RIN2: variants seen among roughly 807,000 people sequenced by gnomAD.
RIN2 encodes Ras and Rab interactor 2, also known as RAB5 interacting protein 2.
In RIN2, 36 loss-of-function variants were observed where a neutral mutation model predicts 78.0. The ratio of observed to expected loss-of-function variants is 0.46; its 90% CI spans 0.35 to 0.61. RIN2 has a LOEUF of 0.61. Among genes scored for constraint, RIN2 ranks in the 20% least tolerant of loss-of-function variants. RIN2 has a pLI of 0.00. For missense variants in RIN2, 1,087 were observed against 1,159.7 expected (o/e 0.94, Z 0.91); for synonymous variants, 466 against 466.8 (o/e 1.00, Z 0.02).
At chr20:19,768,749 C>T (rs974920271) in intron 1 of RIN2, among the ~76,000 whole-genome samples, 2 of 146,236 alleles carry the variant, frequency 1.4e-5, no homozygotes, top group Non-Finnish European at 3.0e-5. Context: ...GGCTTACTGG[C>T]CCCTCAGAGG....
At chr20:19,994,785 C>G (rs753191806) in intron 11 of RIN2, among the ~76,000 whole-genome samples, 17 of 152,204 alleles carry the variant, frequency 1.1e-4, no homozygotes, top group Non-Finnish European at 1.9e-4. Context: ...CACACACAGT[C>G]ACATGCTGAT....
intron 2 of RIN2, among the ~76,000 whole-genome samples, chr20:19,825,978 T>G (rs1182567490): frequency 1.3e-5 from 2 of 152,224 alleles, no homozygotes; most frequent in African/African-American, 4.8e-5. Flanking sequence ...GGAACTCAGA[T>G]TAGCATTTTG....
At chr20:19,811,926 A>G (rs887831049) in intron 2 of RIN2, among the ~76,000 whole-genome samples, 10 of 152,294 alleles carry the variant, frequency 6.6e-5, no homozygotes, top group African/African-American at 1.9e-4. Flanking sequence ...GTAGTGTTTT[A>G]GTAAATTTAT....
At chr20:19,796,080 A>C (rs1370796781) in intron 1 of RIN2, among the ~76,000 whole-genome samples, 1 of 121,240 alleles carries the variant, frequency 8.2e-6, no homozygotes, top group East Asian at 2.1e-4. Context: ...GGAAGAAAAG[A>C]GCAAAGAAAA....
At chr20:19,943,306 A>G (rs1311769943) in intron 4 of RIN2, among the ~76,000 whole-genome samples, 1 of 151,780 alleles carries the variant, frequency 6.6e-6, no homozygotes. Flanking sequence ...ACTTTTTCTT[A>G]CCTCCCGAAA....
intron 11 of RIN2, among the ~76,000 whole-genome samples, chr20:19,993,170 A>T (rs575027236): frequency 1.3e-5 from 2 of 152,228 alleles, no homozygotes; most frequent in African/African-American, 4.8e-5. Context: ...TTATCTTTTC[A>T]AAGGAGAACA....
chr20:19,873,064 T>TA (rs1184446758), intron 2 of RIN2, among the ~76,000 whole-genome samples: 1 of 152,086 alleles, frequency 6.6e-6, no homozygotes, highest in Non-Finnish European at 1.5e-5. Context: ...AAATAGCACT[T>TA]ACATACAAAT....
intron 3 of RIN2, among the ~76,000 whole-genome samples, chr20:19,897,372 G>C (rs76344786): frequency 1.3e-5 from 2 of 152,226 alleles, no homozygotes; most frequent in Admixed American, 1.3e-4. Context: ...GCCTCCTAAA[G>C]TTCTGGGATT....
At chr20:19,781,288 A>C (rs575139192) in intron 1 of RIN2, among the ~76,000 whole-genome samples, 1 of 152,356 alleles carries the variant, frequency 6.6e-6, no homozygotes, top group East Asian at 1.9e-4. Context: ...CTCAGTGGGC[A>C]GTGACTACAT....
chr20:19,825,474 C>T (rs13036403), intron 2 of RIN2, among the ~76,000 whole-genome samples: 1 of 152,176 alleles, frequency 6.6e-6, no homozygotes, highest in Non-Finnish European at 1.5e-5. Context: ...TCCCAGTCCT[C>T]TCTTAAACTA....
chr20:19,886,828 G>C, intron 2 of RIN2: 2 of 1,174,056 alleles, frequency 1.7e-6, no homozygotes, highest in Non-Finnish European at 2.4e-6. Context: ...ATGGTTTTAG[G>C]ATGAAGCTGC....
chr20:19,858,090 G>T (rs1409747984), intron 2 of RIN2, among the ~76,000 whole-genome samples: 1 of 151,604 alleles, frequency 6.6e-6, no homozygotes, highest in Non-Finnish European at 1.5e-5. Flanking sequence ...CTTTAATGAG[G>T]TCCAACTCAT....
At chr20:19,784,523 G>A (rs2034611230) in intron 1 of RIN2, among the ~76,000 whole-genome samples, 1 of 152,062 alleles carries the variant, frequency 6.6e-6, no homozygotes, top group Non-Finnish European at 1.5e-5. Context: ...AATAATGGTG[G>A]TTGCCTGCAT....
intron 1 of RIN2, among the ~76,000 whole-genome samples, chr20:19,773,159 C>T (rs1016834841): frequency 9.2e-5 from 14 of 152,208 alleles, no homozygotes; most frequent in African/African-American, 1.9e-4. Context: ...CCCTCCAGTC[C>T]TCCATGCTCA....
rs189194229 is a variant in RIN2, at chr20:19,930,350, G to T, written c.58-4749G>T. Among the ~76,000 whole-genome samples the T allele has an allele frequency of 3.3e-5, 5 of 152,326 alleles. No homozygotes were observed. In the East Asian group the frequency reaches 7.7e-4, roughly 24 times the overall value. ...GCCACAGACACCGTCAGCTTCTTGTGTGTGGCCAGATGTAGAGAAGGAATT... is the reference window on the plus strand; with the variant it reads ...GCCACAGACACCGTCAGCTTCTTGTTTGTGGCCAGATGTAGAGAAGGAATT... On this transcript the variant is annotated intron_variant, in intron 3 of 12. Transcript: ENST00000255006.
chr20:19,793,965 A>G (rs2034969530), intron 1 of RIN2, among the ~76,000 whole-genome samples: 1 of 152,218 alleles, frequency 6.6e-6, no homozygotes, highest in African/African-American at 2.4e-5. Flanking sequence ...AGTCATGAAG[A>G]TAACACAGGC....
At chr20:19,780,453 C>A (rs899648396) in intron 1 of RIN2, among the ~76,000 whole-genome samples, 2 of 152,052 alleles carry the variant, frequency 1.3e-5, no homozygotes, top group African/African-American at 4.8e-5. Context: ...CCATTCTCTG[C>A]TCAGATGTCA....
At chr20:19,820,402 C>G (rs2035892023) in intron 2 of RIN2, among the ~76,000 whole-genome samples, 1 of 152,210 alleles carries the variant, frequency 6.6e-6, no homozygotes, top group Non-Finnish European at 1.5e-5. Context: ...TAATGCACTA[C>G]AGACTCTTAA....
At chr20:19,856,986 A>G (rs2037190182) in intron 2 of RIN2, among the ~76,000 whole-genome samples, 1 of 152,096 alleles carries the variant, frequency 6.6e-6, no homozygotes, top group Non-Finnish European at 1.5e-5. Context: ...TTTTATTGAG[A>G]TATAATTTGT....
Sources: gnomAD v4.1 joint callset for allele counts (sites outside exome capture counted in the v4.1 genomes callset) on GRCh38, gnomAD v4.1.1 for gene constraint, MANE v1.5 for transcripts, NCBI Gene and HGNC (gene_info 2026-07-23, HGNC 2026-07-21) for gene names.